The following ROR1 variants were observed in gnomAD, a reference collection of about 807,000 sequenced individuals.
The protein encoded by ROR1 is ROR family WNT receptor 1.
Under a neutral mutation model 78.8 loss-of-function variants are expected in ROR1, and 19 were observed. That is an observed-to-expected ratio of 0.24 (90% CI 0.17 to 0.35). The LOEUF (loss-of-function observed/expected upper bound fraction) is 0.35, where lower values mean the gene tolerates loss of function less well. Among genes scored for constraint, ROR1 ranks in the 10% least tolerant of loss-of-function variants. The pLI, the probability that ROR1 is intolerant of heterozygous loss-of-function variation, is 1.00. For synonymous variants in ROR1, 386 were observed against 433.6 expected (o/e 0.89, Z 1.36); for missense variants, 917 against 1,177.8 (o/e 0.78, Z 3.24).
chr1:64,073,977 G>C (rs1647028754), intron 4 of ROR1, among the ~76,000 whole-genome samples: 1 of 152,238 alleles, frequency 6.6e-6, no homozygotes, highest in Non-Finnish European at 1.5e-5. Context: ...TCTTAACGGG[G>C]TTACAGTCTG....
At chr1:64,054,063 C>A (rs1229840686) in intron 4 of ROR1, among the ~76,000 whole-genome samples, 1 of 152,134 alleles carries the variant, frequency 6.6e-6, no homozygotes, top group Non-Finnish European at 1.5e-5. Context: ...AAGCCATCCT[C>A]TCACCTCAGC....
intron 1 of ROR1, among the ~76,000 whole-genome samples, chr1:63,800,283 T>A (rs1557502795): frequency 1.3e-5 from 2 of 152,360 alleles, no homozygotes; most frequent in South Asian, 4.1e-4. Flanking sequence ...CTGTTACCTA[T>A]AAAATTATCA....
At position 64,177,696 on chromosome 1, in the gene ROR1, T is replaced by A; in HGVS notation, c.1655T>A (p.Phe552Tyr). The A allele has an allele frequency of 6.2e-7, 1 of 1,614,212 alleles. No homozygotes were observed. The change falls in exon 9 of 9, where the codon TTT (phenylalanine) becomes TAT (tyrosine). Residue 552 changes from phenylalanine to tyrosine, a missense_variant. This residue lies in a region of ROR1 where 835 missense variants were observed against 1,069.8 expected (regional missense o/e 0.78). Transcript: ENST00000371079. ...CAGGAACAACCTGTGTGCATGCTTT[T>A]TGAGTATATTAATCAGGGGGATCTC... Reference protein sequence around the residue: ...VTQEQPVCMLFEYINQGDLHE... With the variant: ...VTQEQPVCMLYEYINQGDLHE...
chr1:63,809,172 G>A (rs1019294614), intron 1 of ROR1, among the ~76,000 whole-genome samples: 8 of 152,142 alleles, frequency 5.3e-5, no homozygotes, highest in African/African-American at 1.7e-4. Context: ...TAGTGTCAGG[G>A]CAGTCAGAAA....
At chr1:64,059,983 T>TTCTTAACA (rs1281789162) in intron 4 of ROR1, among the ~76,000 whole-genome samples, 3 of 101,858 alleles carry the variant, frequency 2.9e-5, no homozygotes, top group Non-Finnish European at 5.9e-5. Flanking sequence ...TAAAATTCCA[T>TTCTTAACA]TCTTAACAAG....
chr1:64,142,319 T>C, intron 6 of ROR1, 86 bp from the exon 7 acceptor site: 2 of 1,551,582 alleles, frequency 1.3e-6, no homozygotes, highest in Non-Finnish European at 8.7e-7. Flanking sequence ...TTACCTGCCC[T>C]CCCCTCCAGA....
chr1:64,147,182 T>G (rs1306488031), intron 7 of ROR1, among the ~76,000 whole-genome samples: 1 of 152,244 alleles, frequency 6.6e-6, no homozygotes, highest in East Asian at 1.9e-4. Context: ...CTCAGTGTGT[T>G]ATTATCTTAG....
chr1:64,053,946 T>TTTTAA (rs1272310057), intron 4 of ROR1, among the ~76,000 whole-genome samples: 1 of 149,778 alleles, frequency 6.7e-6, no homozygotes, highest in African/African-American at 2.6e-5. Flanking sequence ...TTTCTTTTTG[T>TTTTAA]TTTATTTTAT....
intron 1 of ROR1, among the ~76,000 whole-genome samples, chr1:63,888,940 A>G (rs1257734242): frequency 6.6e-6 from 1 of 152,134 alleles, no homozygotes; most frequent in Non-Finnish European, 1.5e-5. Flanking sequence ...ATTATCTCAT[A>G]TAGTTTCTAA....
At chr1:64,172,255 T>C (rs1650263447) in intron 8 of ROR1, among the ~76,000 whole-genome samples, 2 of 152,200 alleles carry the variant, frequency 1.3e-5, no homozygotes. Flanking sequence ...CTGACTCACA[T>C]CTAAATGACT....
rs180998174 is a variant in ROR1 at position 63,906,052 on chromosome 1, C to T, written c.92-103253C>T. 3.3e-5 allele frequency among the ~76,000 whole-genome samples: 5 copies of T among 152,194 alleles called. No individual in the cohort carries two copies. In the East Asian group the frequency reaches 9.6e-4, roughly 29 times the overall value. The stretch of plus-strand genomic sequence containing the variant: ...CTGGATTCTTGTTATTTCCTATAGA[C>T]ATTTTATAAGCAAAGGTGGAATACA... On this transcript the variant is annotated intron_variant, in intron 1 of 8. Coordinates refer to ENST00000371079, the MANE Select transcript of ROR1 (RefSeq NM_005012.4).
At chr1:63,862,403 A>G (rs1001582885) in intron 1 of ROR1, among the ~76,000 whole-genome samples, 2 of 151,692 alleles carry the variant, frequency 1.3e-5, no homozygotes, top group Admixed American at 6.6e-5. Context: ...AAAAAAAAAA[A>G]AAAAAAAAAA....
At chr1:63,806,532 T>A (rs187766874) in intron 1 of ROR1, among the ~76,000 whole-genome samples, 1 of 152,218 alleles carries the variant, frequency 6.6e-6, no homozygotes, top group Admixed American at 6.5e-5. Flanking sequence ...TTAGCCAGGA[T>A]GGTCTCGATC....
At chr1:64,126,052 A>G (rs1250034488) in intron 4 of ROR1, among the ~76,000 whole-genome samples, 1 of 152,206 alleles carries the variant, frequency 6.6e-6, no homozygotes, top group African/African-American at 2.4e-5. Flanking sequence ...TCATGAACTA[A>G]TCTGAAAGTT....
chr1:63,818,094 CA>C (rs1038257703), intron 1 of ROR1, among the ~76,000 whole-genome samples: 39 of 152,220 alleles, frequency 2.6e-4, no homozygotes, highest in Admixed American at 2.3e-3. Flanking sequence ...TACTGAGATG[CA>C]AAAAGATTAA....
At chr1:63,876,875 G>A (rs1645289784) in intron 1 of ROR1, among the ~76,000 whole-genome samples, 1 of 151,542 alleles carries the variant, frequency 6.6e-6, no homozygotes, top group African/African-American at 2.4e-5. Flanking sequence ...AGAATCTCAT[G>A]TATTATATTC....
chr1:63,835,489 A>G (rs1040208378), intron 1 of ROR1, among the ~76,000 whole-genome samples: 2 of 152,052 alleles, frequency 1.3e-5, no homozygotes, highest in African/African-American at 4.8e-5. Flanking sequence ...CTATAAAGGC[A>G]CTCCCAGTTT....
intron 4 of ROR1, among the ~76,000 whole-genome samples, chr1:64,134,123 T>TG (rs1478024380): frequency 1.3e-5 from 2 of 152,208 alleles, no homozygotes; most frequent in Non-Finnish European, 2.9e-5. Flanking sequence ...CTCTTCTACT[T>TG]GCTGCGTAAC....
intron 7 of ROR1, 74 bp downstream of exon 7, chr1:64,142,724 G>A: frequency 6.3e-7 from 1 of 1,580,902 alleles, no homozygotes; most frequent in African/African-American, 1.3e-5. Context: ...TTATTTAGGA[G>A]AATCCTATAA....
Sources: gnomAD v4.1 joint callset for allele counts (sites outside exome capture counted in the v4.1 genomes callset) on GRCh38, gnomAD v4.1.1 for gene constraint, gnomAD v4.1.1 regional missense constraint, MANE v1.5 for transcripts, NCBI Gene and HGNC (gene_info 2026-07-23, HGNC 2026-07-21) for gene names.